LYPD4: variants seen among roughly 807,000 people sequenced by gnomAD.
LYPD4 encodes the protein LY6/PLAUR domain containing 4.
LYPD4 carries 20 observed loss-of-function variants against 18.2 expected under a neutral mutation model. That is an observed-to-expected ratio of 1.10 (90% CI 0.77 to 1.59). The LOEUF is 1.59. Among genes scored for constraint, LYPD4 ranks in the 40% most tolerant of loss-of-function variants. The pLI is 0.00. For missense variants in LYPD4, 278 were observed against 300.3 expected, an observed-to-expected ratio of 0.93 and a Z score of 0.55; for synonymous variants, 111 against 118.3, an observed-to-expected ratio of 0.94 and a Z score of 0.40.
chr19:41,837,367 G>A, intron 4 of LYPD4, 22 bp from the exon 5 acceptor site: 1 of 1,613,404 alleles, frequency 6.2e-7, no homozygotes, highest in South Asian at 1.1e-5. Flanking sequence ...AGAGGGAGAA[G>A]TCAGGAACAC....
chr19:41,841,014 CA>C (rs2073570052), intron 1 of LYPD4, among the ~76,000 whole-genome samples: 1 of 151,802 alleles, frequency 6.6e-6, no homozygotes, highest in African/African-American at 2.4e-5. Context: ...CTCTCCTACC[CA>C]AAAAAGAATG....
At chr19:41,835,750 C>T, downstream of LYPD4, 4 of 984,582 alleles carry the variant, frequency 4.1e-6, no homozygotes, top group Non-Finnish European at 4.8e-6. Context: ...AACCTCGTGT[C>T]AGTCCCACTT....
intron 1 of LYPD4, among the ~76,000 whole-genome samples, chr19:41,841,748 A>C (rs2073602354): frequency 6.6e-6 from 1 of 152,098 alleles, no homozygotes; most frequent in Admixed American, 6.6e-5. Context: ...TTGTACATCT[A>C]TCAGACTGGT....
At chr19:41,840,406 C>T (rs140664991) in intron 1 of LYPD4, among the ~76,000 whole-genome samples, 1 of 152,074 alleles carries the variant, frequency 6.6e-6, no homozygotes, top group African/African-American at 2.4e-5. Flanking sequence ...GTACAAATGT[C>T]AATTTCCTGC....
chr19:41,843,063 AAAAAAAAAAAAAAACC>A (rs1600569074), intron 1 of LYPD4, among the ~76,000 whole-genome samples: 2,248 of 45,668 alleles, frequency 0.049, 476 homozygotes, highest in South Asian at 0.08. Context: ...AAAAAAAAAA[AAAAAAAAAAAAAAACC>A]CCAACAACAA....
chr19:41,839,162 A>G (rs1348437459), intron 2 of LYPD4, 57 bp downstream of exon 2: 2 of 1,613,924 alleles, frequency 1.2e-6, no homozygotes, highest in Admixed American at 1.7e-5. Flanking sequence ...CACCAGTGAC[A>G]TGAATCCAGC....
chr19:41,837,128 G>A lies in LYPD4; in HGVS notation c.*15C>T. 6.2e-7 allele frequency: 1 copy of A among 1,613,408 alleles called. No individual in the cohort carries two copies. Among genetic ancestry groups the A allele is most frequent in the Non-Finnish European group, 8.5e-7 (1 of 1,179,796 alleles). ...TGTGAAAGAGTCTGGGTGCTTGTCG[G>A]GTGCAGCTAGATGGTCAGTCCCTGA... On this transcript the variant is annotated 3_prime_UTR_variant, in exon 5 of 5. Coordinates refer to ENST00000609812, the MANE Select transcript of LYPD4 (RefSeq NM_173506.7).
intron 1 of LYPD4, among the ~76,000 whole-genome samples, chr19:41,841,632 C>T (rs1187727538): frequency 2.1e-5 from 3 of 143,550 alleles, no homozygotes; most frequent in African/African-American, 5.2e-5. Context: ...TGCCACTGCA[C>T]TCCAGCCTGG....
rs947183660 is a variant in LYPD4, at chr19:41,843,986, T to C, written c.-529A>G. 1 of 125,860 alleles carries C rather than the reference T, an allele frequency of 7.9e-6. No individual in the cohort carries two copies. The highest frequency in any genetic ancestry group is 3.2e-5 in the African/African-American group (1 of 30,832). 7.8% of individuals were successfully genotyped at this position (125,860 alleles called of 1,614,324 possible). ...GCCACCCCTACAAAAGACAAACAAA[T>C]TGATGGAATGGAACCTTGCAGGGAG... On this transcript the variant is annotated 5_prime_UTR_variant, in exon 1 of 5. Coordinates refer to ENST00000609812, the MANE Select transcript of LYPD4 (RefSeq NM_173506.7).
chr19:41,835,106 A>G, downstream of LYPD4: 1 of 152,358 alleles, frequency 6.6e-6, no homozygotes, highest in African/African-American at 2.4e-5. Flanking sequence ...TTTATTGTTT[A>G]AAGGTATAAT....
In LYPD4 at chr19:41,844,308, C is replaced by G. The variant is rs932307134; in HGVS notation, c.-851G>C. 6.6e-6 allele frequency: 1 copy of G among 152,228 alleles called. No individual in the cohort carries two copies. The highest frequency in any genetic ancestry group is 1.5e-5 in the Non-Finnish European group (1 of 68,120). The allele number at this position is 152,228 out of a possible 1,614,324, so 9.4% of individuals were successfully genotyped here. A position where few individuals can be genotyped will look rare whatever the true frequency, so the allele number is the denominator to read the frequency against. ...GAAATTCAGAAAAACTAGAGGCGTC[C>G]CCGGTAGCGAAGGAAGCCGGGAAGG... On this transcript the variant is annotated 5_prime_UTR_variant, in exon 1 of 5. Coordinates refer to ENST00000609812, the MANE Select transcript of LYPD4 (RefSeq NM_173506.7).
At position 41,837,239 on chromosome 19, in the gene LYPD4, G is replaced by A; in HGVS notation, c.645C>T (p.Asn215=). The A allele has an allele frequency of 1.2e-6, 2 of 1,614,100 alleles. No individual in the cohort carries two copies. Among genetic ancestry groups the A allele is most frequent in the Non-Finnish European group, 1.7e-6 (2 of 1,179,980 alleles). ...CAACAATCTGAGACTTCTCTAAGATGTTGAGGACCTCAGTCACTTTGATGC... is the reference window on the plus strand; with the variant it reads ...CAACAATCTGAGACTTCTCTAAGATATTGAGGACCTCAGTCACTTTGATGC... The part of the protein sequence containing the change: ...IGSIKVTEVL[N]ILEKSQIVGA... The change falls in exon 5 of 5, where the codon AAC becomes AAT. Residue 215 remains asparagine, a synonymous_variant. Transcript: ENST00000609812.
intron 1 of LYPD4, among the ~76,000 whole-genome samples, chr19:41,841,537 G>T (rs561370085): frequency 6.6e-6 from 1 of 151,396 alleles, no homozygotes; most frequent in South Asian, 2.1e-4. Flanking sequence ...GTGGTGGTAC[G>T]TGCCTGCAGT....
Position 41,839,334 on chromosome 19 carries a change from T to C in LYPD4, c.-49A>G. 1 of 1,552,598 alleles carries C rather than the reference T, an allele frequency of 6.4e-7. No homozygotes were observed. Among genetic ancestry groups the C allele is most frequent in the Non-Finnish European group, 8.9e-7 (1 of 1,123,982 alleles). ...GCTAGAGGTCAGTCTGGAATCAGTT[T>C]CAGTCTGGATCCCAAGCTCAGTTCC... On this transcript the variant is annotated 5_prime_UTR_variant, in exon 2 of 5. Transcript: ENST00000609812.
chr19:41,837,185 A>G lies in LYPD4; in HGVS notation c.699T>C (p.Ala233=). 3 of 1,614,054 alleles carry G rather than the reference A, an allele frequency of 1.9e-6. No homozygotes were observed. The highest frequency in any genetic ancestry group is 2.5e-6 in the Non-Finnish European group (3 of 1,179,926). Reference sequence around the variant, plus strand: ...ACAGGAGGCCTAAGACGACACCCCAAGCAGGATCTTGCCTGGAGGATGCTG... The same window carrying G: ...ACAGGAGGCCTAAGACGACACCCCAGGCAGGATCTTGCCTGGAGGATGCTG... ...VGAASSRQDP[A]WGVVLGLLFA... Residue 233 remains alanine, a synonymous_variant, in exon 5 of 5, where the codon GCT becomes GCC. Coordinates refer to ENST00000609812, the MANE Select transcript of LYPD4 (RefSeq NM_173506.7).
intron 4 of LYPD4, 130 bp downstream of exon 4, chr19:41,837,805 A>C: frequency 1.0e-6 from 1 of 977,846 alleles, no homozygotes; most frequent in Non-Finnish European, 1.5e-6. Flanking sequence ...CCTCCTTGGA[A>C]TTCATGTGCC....
Position 41,842,288 on chromosome 19 carries a change from C to T in LYPD4, c.-121+1290G>A, listed in dbSNP as rs782575820. 5.3e-5 allele frequency among the ~76,000 whole-genome samples: 8 copies of T among 152,222 alleles called. No homozygotes were observed. The East Asian group carries it at 1.2e-3, about 22-fold the overall frequency. ...AAGCAATCCACCCACCTCGGCCTCC[C>T]AAAGTGCTGGGATTACAGGCATGAG... On this transcript the variant is annotated intron_variant, in intron 1 of 4. Coordinates refer to ENST00000609812, the MANE Select transcript of LYPD4 (RefSeq NM_173506.7).
At position 41,843,613 on chromosome 19, in the gene LYPD4, G is replaced by T. The variant is rs982563129; in HGVS notation, c.-156C>A. 2.6e-5 allele frequency: 4 copies of T among 151,364 alleles called. No homozygotes were observed. Among genetic ancestry groups the T allele is most frequent in the Non-Finnish European group, 5.9e-5 (4 of 67,948 alleles). 9.4% of individuals were successfully genotyped at this position (151,364 alleles called of 1,614,324 possible). ...TTATCTAGGACAGCTCCCCTGCCCA[G>T]CAGTCCAGCTAGAGGTCACGTCGGC... On this transcript the variant is annotated 5_prime_UTR_variant, in exon 1 of 5. It adds an upstream start codon to the 5' untranslated region. Transcript: ENST00000609812.
At chr19:41,841,665 CAAAAA>C (rs587607752) in intron 1 of LYPD4, among the ~76,000 whole-genome samples, 1 of 85,574 alleles carries the variant, frequency 1.2e-5, no homozygotes, top group Admixed American at 1.2e-4. Context: ...GACCCTGTCT[CAAAAA>C]AAAAAAAAAA....
Sources: allele counts gnomAD v4.1 joint callset (sites outside exome capture counted in the v4.1 genomes callset), GRCh38; gene constraint gnomAD v4.1.1; transcripts MANE v1.5; gene names NCBI Gene and HGNC (gene_info 2026-07-23, HGNC 2026-07-21).